TOP1: variants seen among roughly 807,000 people sequenced by gnomAD.
TOP1 encodes DNA topoisomerase 1.
Under a neutral mutation model 111.1 loss-of-function variants are expected in TOP1, and 10 were observed. The ratio of observed to expected loss-of-function variants is 0.09; its 90% CI spans 0.06 to 0.15. The LOEUF (loss-of-function observed/expected upper bound fraction) is 0.15, where lower values mean the gene tolerates loss of function less well. Among genes scored for constraint, TOP1 ranks in the 10% least tolerant of loss-of-function variants. The probability of loss-of-function intolerance (pLI) is 1.00; values close to 1 mark genes in which losing one functional copy is unlikely to be tolerated. For synonymous variants in TOP1, 271 were observed against 302.9 expected (o/e 0.89, Z 1.10); for missense variants, 474 against 926.7 (o/e 0.51, Z 6.34).
chr20:41,122,856 A>G lies in TOP1; in HGVS notation c.2196-339A>G, dbSNP rs574949901. Among the ~76,000 whole-genome samples the G allele has an allele frequency of 5.3e-5, 8 of 152,220 alleles. No individual in the cohort carries two copies. The highest frequency in any genetic ancestry group is 5.2e-4 in the Admixed American group (8 of 15,288). On this transcript the variant is annotated intron_variant, in intron 20 of 20. Coordinates refer to ENST00000361337, the MANE Select transcript of TOP1 (RefSeq NM_003286.4). This position sits in a 1 kb window ranked among gnomAD's most constrained non-coding sequence, Gnocchi z 5.4. ...GTTAGCTCTTAAAAGGCAATATAGT[A>G]TAGTGGTTAAGAACATGGAGAAAAA... is the stretch of plus-strand genomic sequence containing the variant.
rs1322761049 is a variant in TOP1 at position 41,112,305 on chromosome 20, A to G, written c.1309-477A>G. 1.3e-5 allele frequency among the ~76,000 whole-genome samples: 2 copies of G among 152,220 alleles called. No individual in the cohort carries two copies. Among genetic ancestry groups the G allele is most frequent in the Non-Finnish European group, 2.9e-5 (2 of 68,036 alleles). ...CACAGAGTTGGCAGCAAGGCTGTGA[A>G]ATTGATGTGGGAATGGGGGTGATTA... On this transcript the variant is annotated intron_variant, in intron 13 of 20. Coordinates refer to ENST00000361337, the MANE Select transcript of TOP1 (RefSeq NM_003286.4). This position sits in a 1 kb window ranked among gnomAD's most constrained non-coding sequence, Gnocchi z 5.8.
Position 41,123,144 on chromosome 20 carries a change from G to A in TOP1, c.2196-51G>A. On this transcript the variant is annotated intron_variant, in intron 20 of 20. Transcript: ENST00000361337. This position sits in a 1 kb window ranked among gnomAD's most constrained non-coding sequence, Gnocchi z 5.8. Reference sequence around the variant, plus strand: ...CATCTGACCCTGGGCCTCAGATATGGGCCATTGCTGAGTCACCCTAATCCC... The same window carrying A: ...CATCTGACCCTGGGCCTCAGATATGAGCCATTGCTGAGTCACCCTAATCCC... The A allele has an allele frequency of 2.4e-6, 3 of 1,270,390 alleles. No homozygotes were observed. Among genetic ancestry groups the A allele is most frequent in the Non-Finnish European group, 1.1e-6 (1 of 870,376 alleles). 78.7% of individuals were successfully genotyped at this position (1,270,390 alleles called of 1,614,324 possible).
In TOP1 at chr20:41,082,769, T is replaced by C. The variant is rs1019368624; in HGVS notation, c.507+1529T>C. On this transcript the variant is annotated intron_variant, in intron 7 of 20. Transcript: ENST00000361337. This position sits in a 1 kb window ranked among gnomAD's most constrained non-coding sequence, Gnocchi z 4.1. ...AGTAGTGATTATGGTAGCCAATCACTCCACTTGCATATACCAAATCAGTAC... is the reference window on the plus strand; with the variant it reads ...AGTAGTGATTATGGTAGCCAATCACCCCACTTGCATATACCAAATCAGTAC... 6.6e-6 allele frequency among the ~76,000 whole-genome samples: 1 copy of C among 151,982 alleles called. No homozygotes were observed. Among genetic ancestry groups the C allele is most frequent in the African/African-American group, 2.4e-5 (1 of 41,384 alleles).
intron 8 of TOP1, among the ~76,000 whole-genome samples, chr20:41,085,696 A>G (rs1341019639): frequency 6.6e-6 from 1 of 152,144 alleles, no homozygotes; most frequent in African/African-American, 2.4e-5. Flanking sequence ...ATCACTGTTC[A>G]TAATTTGATG....
At position 41,079,142 on chromosome 20, in the gene TOP1, T is replaced by C. The variant is rs762167302; in HGVS notation, c.336-943T>C. Among the ~76,000 whole-genome samples, 3 of 152,140 alleles carry C rather than the reference T, an allele frequency of 2.0e-5. No individual in the cohort carries two copies. The highest frequency in any genetic ancestry group is 4.4e-5 in the Non-Finnish European group (3 of 68,008). Reference sequence around the variant, plus strand: ...TCACAAGCAAGGGGACCCAGTATGCTTTTTTTGGTCGGAGGTACTCTTGAA... The same window carrying C: ...TCACAAGCAAGGGGACCCAGTATGCCTTTTTTGGTCGGAGGTACTCTTGAA... On this transcript the variant is annotated intron_variant, in intron 5 of 20. Coordinates refer to ENST00000361337, the MANE Select transcript of TOP1 (RefSeq NM_003286.4). This position sits in a 1 kb window ranked among gnomAD's most constrained non-coding sequence, Gnocchi z 4.0.
chr20:41,077,244 G>A (rs1206384270), intron 4 of TOP1, among the ~76,000 whole-genome samples: 1 of 152,116 alleles, frequency 6.6e-6, no homozygotes, highest in Non-Finnish European at 1.5e-5. Context: ...TGTTTGTTTG[G>A]TTTTTGCTTT....
chr20:41,084,297 G>A (rs1784712623), intron 7 of TOP1, among the ~76,000 whole-genome samples, 165 bp from the exon 8 acceptor site: 1 of 152,060 alleles, frequency 6.6e-6, no homozygotes, highest in Non-Finnish European at 1.5e-5. Context: ...GTAGAACAGA[G>A]CACCAGTACA....
rs1269104572 is a variant in TOP1, at chr20:41,095,088, G to A, written c.731-2132G>A. On this transcript the variant is annotated intron_variant, in intron 9 of 20. Coordinates refer to ENST00000361337, the MANE Select transcript of TOP1 (RefSeq NM_003286.4). This position sits in a 1 kb window ranked among gnomAD's most constrained non-coding sequence, Gnocchi z 4.6. ...TTTATTTGAGACAGAGTCACACTCTGTCACCCAGGCTGGAGTGCAGTGGCA... is the reference window on the plus strand; with the variant it reads ...TTTATTTGAGACAGAGTCACACTCTATCACCCAGGCTGGAGTGCAGTGGCA... 6.6e-6 allele frequency among the ~76,000 whole-genome samples: 1 copy of A among 152,124 alleles called. No homozygotes were observed. The highest frequency in any genetic ancestry group is 1.9e-4 in the East Asian group (1 of 5,200).
chr20:41,101,441 T>A lies in TOP1; in HGVS notation c.1308+88T>A. 7.4e-7 allele frequency: 1 copy of A among 1,356,284 alleles called. No individual in the cohort carries two copies. The highest frequency in any genetic ancestry group is 9.9e-7 in the Non-Finnish European group (1 of 1,007,946). The allele number at this position is 1,356,284 out of a possible 1,614,324, so 84.0% of individuals were successfully genotyped here. A position where few individuals can be genotyped will look rare whatever the true frequency, so the allele number is the denominator to read the frequency against. ...TAACGTTCTCGTCCTCTAGAATCAC[T>A]TTGACAAATTAAAAATCCTCCCCAT... On this transcript the variant is annotated intron_variant, in intron 13 of 20. Coordinates refer to ENST00000361337, the MANE Select transcript of TOP1 (RefSeq NM_003286.4). The surrounding 1 kb of genome is among the most constrained non-coding windows in gnomAD (Gnocchi z 4.1).
At chr20:41,113,046 TAAAAC>T in intron 14 of TOP1, 121 bp downstream of exon 14, 7 of 1,046,018 alleles carry the variant, frequency 6.7e-6, no homozygotes, top group South Asian at 1.8e-5. Flanking sequence ...TATTTGTATG[TAAAAC>T]TGAATCAAAA....
At chr20:41,117,312 GT>G (rs2034345943) in intron 17 of TOP1, among the ~76,000 whole-genome samples, 3 of 151,678 alleles carry the variant, frequency 2.0e-5, no homozygotes, top group Admixed American at 6.6e-5. Flanking sequence ...TCCAGCTTGG[GT>G]GACAGGGTGA....
chr20:41,031,345 G>T (rs1162445090), intron 2 of TOP1, among the ~76,000 whole-genome samples: 1 of 152,196 alleles, frequency 6.6e-6, no homozygotes, highest in Non-Finnish European at 1.5e-5. Context: ...TGTTCTTTTG[G>T]CTGTCAGGCT....
chr20:41,029,318 G>A lies in TOP1; in HGVS notation c.34-113G>A, dbSNP rs921890166. ...ATGGCTGCCCTCTGTGGCCACCCCC[G>A]GGTCCCCGTCCTCCCCGGGGGCGCA... On this transcript the variant is annotated intron_variant, in intron 1 of 20. Transcript: ENST00000361337. The surrounding 1 kb of genome is among the most constrained non-coding windows in gnomAD (Gnocchi z 6.1). 1.1e-5 allele frequency: 11 copies of A among 1,011,450 alleles called. No individual in the cohort carries two copies. In the East Asian group the frequency reaches 2.4e-4, roughly 22 times the overall value. The allele number at this position is 1,011,450 out of a possible 1,614,324, so 62.7% of individuals were successfully genotyped here.
intron 2 of TOP1, among the ~76,000 whole-genome samples, chr20:41,035,625 A>G (rs1240441583): frequency 2.0e-5 from 3 of 152,082 alleles, no homozygotes; most frequent in South Asian, 2.1e-4. Flanking sequence ...TTGTGGTCCC[A>G]TTATTCTTTA....
chr20:41,072,440 AG>A, intron 3 of TOP1: 2 of 985,446 alleles, frequency 2.0e-6, no homozygotes, highest in South Asian at 4.7e-5. Context: ...CATACATGTT[AG>A]AAAATCTCAA....
chr20:41,072,882 T>A (rs2033683623), intron 3 of TOP1: 1 of 985,324 alleles, frequency 1.0e-6, no homozygotes, highest in African/African-American at 1.7e-5. Flanking sequence ...AATCTGCTCT[T>A]ATGCCTAAAC....
intron 2 of TOP1, among the ~76,000 whole-genome samples, chr20:41,056,248 A>T (rs2033469450): frequency 6.6e-6 from 1 of 152,112 alleles, no homozygotes; most frequent in African/African-American, 2.4e-5. Flanking sequence ...TAGTTTGTTT[A>T]AATGCTTTTG....
At chr20:41,085,183 C>G (rs887939029) in intron 8 of TOP1, among the ~76,000 whole-genome samples, 1 of 151,530 alleles carries the variant, frequency 6.6e-6, no homozygotes, top group Non-Finnish European at 1.5e-5. Context: ...AAGGAATGAT[C>G]TAATCAGAAT....
rs559427728 is a variant in TOP1, at chr20:41,079,598, A to G, written c.336-487A>G. 5.3e-5 allele frequency among the ~76,000 whole-genome samples: 8 copies of G among 152,316 alleles called. No individual in the cohort carries two copies. Among genetic ancestry groups the G allele is most frequent in the Admixed American group, 4.6e-4 (7 of 15,296 alleles). ...TGGTTATTTTTCCATGTAGCTAGAT[A>G]TACATGTACGTTATTGCCACATTTT... On this transcript the variant is annotated intron_variant, in intron 5 of 20. Transcript: ENST00000361337. The surrounding 1 kb of genome is among the most constrained non-coding windows in gnomAD (Gnocchi z 4.0).
Sources: allele counts gnomAD v4.1 joint callset (sites outside exome capture counted in the v4.1 genomes callset), GRCh38; gene constraint gnomAD v4.1.1; non-coding constraint Gnocchi (gnomAD v3.1); transcripts MANE v1.5; gene names NCBI Gene and HGNC (gene_info 2026-07-23, HGNC 2026-07-21).